Variants in WDR48 observed in about 807,000 individuals in gnomAD.
WDR48 encodes the protein WD repeat-containing protein 48.
WDR48 carries 22 observed loss-of-function variants against 94.0 expected under a neutral mutation model. That is an observed-to-expected ratio of 0.23 (90% CI 0.17 to 0.33). The LOEUF (loss-of-function observed/expected upper bound fraction) is 0.33. Ranked by LOEUF, WDR48 falls within the 10% of genes least tolerant of loss-of-function variation. The pLI is 1.00. For synonymous variants in WDR48, 278 were observed against 280.5 expected (o/e 0.99, Z 0.09); for missense variants, 541 against 813.8 (o/e 0.66, Z 4.08).
chr3:39,074,690 G>A (rs2034121068), intron 7 of WDR48, 36 bp from the exon 8 acceptor site: 3 of 1,596,748 alleles, frequency 1.9e-6, no homozygotes, highest in Non-Finnish European at 8.6e-7. Flanking sequence ...CAGGAACTTT[G>A]TGGCAAGTTC....
At position 39,084,744 on chromosome 3, in the gene WDR48, G is replaced by A; in HGVS notation, c.1378+3G>A. On this transcript the variant is annotated splice_donor_region_variant and intron_variant, in intron 13 of 18. Coordinates refer to ENST00000302313, the MANE Select transcript of WDR48 (RefSeq NM_020839.4). The stretch of plus-strand genomic sequence containing the variant: ...CCCTGATGGGTCAGATCCAAAATGT[G>A]AGTTTAAGTGTCCTTCATTTTTTTC... The A allele has an allele frequency of 1.2e-6, 2 of 1,610,490 alleles. No homozygotes were observed. Among genetic ancestry groups the A allele is most frequent in the Non-Finnish European group, 1.7e-6 (2 of 1,178,546 alleles).
chr3:39,093,276 C>T (rs1164894960), intron 17 of WDR48, among the ~76,000 whole-genome samples: 6 of 152,148 alleles, frequency 3.9e-5, no homozygotes, highest in African/African-American at 1.4e-4. Context: ...GAGCTGCCTG[C>T]CTTTCCAGAA....
At chr3:39,062,723 G>T (rs2033347692) in intron 1 of WDR48, among the ~76,000 whole-genome samples, 1 of 152,202 alleles carries the variant, frequency 6.6e-6, no homozygotes, top group Admixed American at 6.5e-5. Context: ...TCAGCAACTG[G>T]AGGTTTTTGA....
chr3:39,084,047 T>G (rs750741549), intron 11 of WDR48, 108 bp from the exon 12 acceptor site: 11 of 673,290 alleles, frequency 1.6e-5, no homozygotes, highest in Admixed American at 1.5e-4. Context: ...TATTTTAGAC[T>G]GTTTCACTTA....
At chr3:39,071,332 A>G (rs1393752561) in intron 7 of WDR48, among the ~76,000 whole-genome samples, 1 of 152,176 alleles carries the variant, frequency 6.6e-6, no homozygotes, top group African/African-American at 2.4e-5. Context: ...TTTTCACATG[A>G]CTGTAAGAAT....
intron 8 of WDR48, among the ~76,000 whole-genome samples, chr3:39,075,190 C>CT (rs11353487): frequency 0.056 from 6,159 of 110,366 alleles, 206 homozygotes; most frequent in East Asian, 0.17. Flanking sequence ...TTGTGTTTTG[C>CT]TTTTTTTTTT....
chr3:39,060,145 G>C (rs1051296582), intron 1 of WDR48, among the ~76,000 whole-genome samples: 1 of 151,932 alleles, frequency 6.6e-6, no homozygotes, highest in Non-Finnish European at 1.5e-5. Flanking sequence ...TGATTTTTTT[G>C]TATATTCGGA....
intron 6 of WDR48, among the ~76,000 whole-genome samples, 194 bp downstream of exon 6, chr3:39,069,053 C>G (rs1481813146): frequency 6.6e-6 from 1 of 152,150 alleles, no homozygotes; most frequent in African/African-American, 2.4e-5. Flanking sequence ...ACTGCTGAGG[C>G]TGTAGCGATC....
At chr3:39,068,897 T>C in intron 6 of WDR48, 38 bp downstream of exon 6, 1 of 1,330,188 alleles carries the variant, frequency 7.5e-7, no homozygotes, top group Non-Finnish European at 1.0e-6. Flanking sequence ...AAAAAAAAAA[T>C]TATTTTTCAC....
chr3:39,089,206 T>C, intron 15 of WDR48, 25 bp from the exon 16 acceptor site: 2 of 1,604,970 alleles, frequency 1.2e-6, no homozygotes, highest in Non-Finnish European at 1.7e-6. Context: ...GTTGGGTTAC[T>C]TACTACTTGA....
At chr3:39,068,182 G>A (rs1050893786) in intron 5 of WDR48, among the ~76,000 whole-genome samples, 2 of 152,112 alleles carry the variant, frequency 1.3e-5, no homozygotes, top group Admixed American at 6.6e-5. Flanking sequence ...AACAGTACAT[G>A]TAGTAACTCA....
chr3:39,078,946 C>T (rs572983850), intron 10 of WDR48, among the ~76,000 whole-genome samples: 4 of 149,528 alleles, frequency 2.7e-5, no homozygotes, highest in East Asian at 2.0e-4. Flanking sequence ...AGGAGAATGG[C>T]GTGAACCCGG....
In WDR48 at chr3:39,069,506, T is replaced by A. The variant is rs577947506; in HGVS notation, c.571-137T>A. ...GCCTAATTCCCTGAGGTTGGGAGGC[T>A]TAGACAGTGTCCATTGGCAGAAGTG... On this transcript the variant is annotated intron_variant, in intron 6 of 18. Coordinates refer to ENST00000302313, the MANE Select transcript of WDR48 (RefSeq NM_020839.4). 5.7e-6 allele frequency: 4 copies of A among 700,642 alleles called. No homozygotes were observed. In the African/African-American group the frequency reaches 7.2e-5, roughly 13 times the overall value. The allele number at this position is 700,642 out of a possible 1,614,324, so 43.4% of individuals were successfully genotyped here. A position where few individuals can be genotyped will look rare whatever the true frequency, so the allele number is the denominator to read the frequency against.
intron 1 of WDR48, among the ~76,000 whole-genome samples, chr3:39,054,678 T>G (rs553510767): frequency 6.6e-6 from 1 of 152,354 alleles, no homozygotes; most frequent in Admixed American, 6.5e-5. Context: ...GGGTGTTGTG[T>G]GAAGCCATTC....
chr3:39,061,881 G>C (rs2033290992), intron 1 of WDR48, among the ~76,000 whole-genome samples: 1 of 125,058 alleles, frequency 8.0e-6, no homozygotes, highest in South Asian at 2.3e-4. Flanking sequence ...TGTGTCTGCT[G>C]CAGAAATGTC....
chr3:39,077,971 T>C (rs1223234145), intron 9 of WDR48, 166 bp from the exon 10 acceptor site: 1 of 545,938 alleles, frequency 1.8e-6, no homozygotes, highest in African/African-American at 1.9e-5. Flanking sequence ...TGTTTCTTTC[T>C]AAACGATGAT....
Position 39,091,463 on chromosome 3 carries a change from G to A in WDR48, c.1669-162G>A, listed in dbSNP as rs146726427. 168 of 519,176 alleles carry A rather than the reference G, an allele frequency of 3.2e-4. 2 individuals are homozygous for A. The East Asian group carries it at 6.1e-3, about 19-fold the overall frequency. 32.2% of individuals were successfully genotyped at this position (519,176 alleles called of 1,614,324 possible). On this transcript the variant is annotated intron_variant, in intron 16 of 18. Coordinates refer to ENST00000302313, the MANE Select transcript of WDR48 (RefSeq NM_020839.4). ...ATATATTTTTCTGATGAATTTTCTC[G>A]AAGGCTGACTTAGGTAATTTGATAG...
chr3:39,082,785 G>C (rs1575426196), intron 11 of WDR48, among the ~76,000 whole-genome samples: 1 of 152,264 alleles, frequency 6.6e-6, no homozygotes, highest in East Asian at 1.9e-4. Flanking sequence ...TTGGTGGGCA[G>C]ACAGCTGTAC....
chr3:39,084,233 A>C lies in WDR48; in HGVS notation c.1252A>C (p.Asn418His). ...AAGATTTAAAATGGTGTATGTGCCA[A>C]ATTGGTTCTCAGTAGACTTAAAAAC... ...KKRFKMVYVP[N>H]WFSVDLKTGM... The change falls in exon 12 of 19, where the codon AAT becomes CAT. Residue 418 changes from asparagine (N) to histidine (H), a missense_variant. This residue lies in a region of WDR48 where 238 missense variants were observed against 285.3 expected (regional missense o/e 0.83). Transcript: ENST00000302313. 1 of 1,612,326 alleles carries C rather than the reference A, an allele frequency of 6.2e-7. No homozygotes were observed. Among genetic ancestry groups the C allele is most frequent in the Non-Finnish European group, 8.5e-7 (1 of 1,178,896 alleles).
Sources: allele counts gnomAD v4.1 joint callset (sites outside exome capture counted in the v4.1 genomes callset), GRCh38; gene constraint gnomAD v4.1.1; regional missense constraint gnomAD v4.1.1; transcripts MANE v1.5; gene names NCBI Gene and HGNC (gene_info 2026-07-23, HGNC 2026-07-21).